HVCN1: variants seen among roughly 807,000 people sequenced by gnomAD.
HVCN1 encodes voltage-gated hydrogen channel 1.
Under a neutral mutation model 29.2 loss-of-function variants are expected in HVCN1, and 14 were observed. The ratio of observed to expected loss-of-function variants is 0.48; its 90% CI spans 0.32 to 0.75. The LOEUF is 0.75. Ranked by LOEUF, HVCN1 falls within the 30% of genes least tolerant of loss-of-function variation. HVCN1 has a pLI of 0.04. For synonymous variants in HVCN1, 131 were observed against 133.2 expected, an observed-to-expected ratio of 0.98 and a Z score of 0.11; for missense variants, 263 against 341.8, an observed-to-expected ratio of 0.77 and a Z score of 1.82.
chr12:110,702,376 C>T (rs2069572496), exon 2 of HVCN1: 1 of 152,132 alleles, frequency 6.6e-6, no homozygotes, highest in Admixed American at 6.6e-5. Context: ...TGCAAATAAG[C>T]ATTTCAGATG....
chr12:110,686,411 G>A (rs890331136), intron 2 of HVCN1, among the ~76,000 whole-genome samples: 6 of 152,100 alleles, frequency 3.9e-5, no homozygotes, highest in African/African-American at 7.2e-5. Flanking sequence ...AGACTTTCTC[G>A]CTGGTTGACT....
At chr12:110,672,405 G>T (rs1206429219) in intron 3 of HVCN1, among the ~76,000 whole-genome samples, 1 of 152,158 alleles carries the variant, frequency 6.6e-6, no homozygotes, top group African/African-American at 2.4e-5. Flanking sequence ...CTGTTGCCCA[G>T]GACACCATGG....
chr12:110,665,483 G>A (rs1471548781), intron 3 of HVCN1, among the ~76,000 whole-genome samples: 1 of 151,276 alleles, frequency 6.6e-6, no homozygotes, highest in Non-Finnish European at 1.5e-5. Flanking sequence ...TCGAACCTGG[G>A]AAGCAGAGGT....
rs186695691 is a variant in HVCN1 at position 110,651,301 on chromosome 12, C to T, written c.559G>A (p.Val187Ile). ...VVVVSFILDIVLLFQEHQFEA... is the reference protein window; with the variant it reads ...VVVVSFILDIILLFQEHQFEA... ...AACTGGTGCTCCTGGAACAGGAGGA[C>T]AATGTCGAGGATGAATGAGACCACC... Residue 187 changes from valine (V) to isoleucine (I), a missense_variant, in exon 6 of 8, where the codon GTC becomes ATC. Transcript: ENST00000242607. The T allele has an allele frequency of 3.1e-6, 5 of 1,614,086 alleles. No individual in the cohort carries two copies. In the East Asian group the frequency reaches 1.1e-4, roughly 36 times the overall value.
intron 5 of HVCN1, among the ~76,000 whole-genome samples, chr12:110,653,290 T>C (rs558367211): frequency 1.3e-5 from 2 of 151,854 alleles, no homozygotes; most frequent in Non-Finnish European, 2.9e-5. Context: ...GGAAACCCTG[T>C]CTCTACAAAA....
At chr12:110,652,252 G>T (rs2067838082) in intron 5 of HVCN1, among the ~76,000 whole-genome samples, 1 of 152,168 alleles carries the variant, frequency 6.6e-6, no homozygotes, top group South Asian at 2.1e-4. Context: ...AAAAAGTTAG[G>T]CATGGTGGTG....
upstream of HVCN1, chr12:110,689,401 G>C (rs997997524): frequency 6.6e-6 from 1 of 151,980 alleles, no homozygotes; most frequent in Admixed American, 6.5e-5. This position sits in a 1 kb window ranked among gnomAD's most constrained non-coding sequence, Gnocchi z 5.7. Flanking sequence ...GGAGCGAATC[G>C]CGGATCACAA....
intron 2 of HVCN1, among the ~76,000 whole-genome samples, chr12:110,686,171 T>G (rs2069175035): frequency 6.6e-6 from 1 of 151,838 alleles, no homozygotes; most frequent in African/African-American, 2.4e-5. Context: ...GCTAAAATTT[T>G]TTTTTGTATT....
In HVCN1 at chr12:110,672,222, G is replaced by T. The variant is rs117988169; in HGVS notation, c.22-10774C>A. ...ACTCCTGGGCTCAAGCAATCCTCCC[G>T]CCTCAGCCTCCCAAGTAGCTAGGAC... is the stretch of plus-strand genomic sequence containing the variant. On this transcript the variant is annotated intron_variant, in intron 3 of 7. Coordinates refer to ENST00000242607, the MANE Select transcript of HVCN1 (RefSeq NM_032369.4). Among the ~76,000 whole-genome samples, 252 of 152,216 alleles carry T rather than the reference G, an allele frequency of 1.7e-3. 9 individuals are homozygous for T. The East Asian group carries it at 0.047, about 28-fold the overall frequency.
intron 7 of HVCN1, among the ~76,000 whole-genome samples, chr12:110,649,929 T>TC (rs2067717998): frequency 6.6e-6 from 1 of 151,972 alleles, no homozygotes; most frequent in African/African-American, 2.4e-5. Context: ...CACCACAACC[T>TC]CCACCTCCCG....
chr12:110,653,123 T>A (rs2067870128), intron 5 of HVCN1, among the ~76,000 whole-genome samples: 2 of 152,122 alleles, frequency 1.3e-5, no homozygotes, highest in African/African-American at 4.8e-5. Flanking sequence ...AGAGTCATTG[T>A]CATGAAGGAA....
At chr12:110,704,489 A>G (rs2136519220) in intron 1 of HVCN1, among the ~76,000 whole-genome samples, 1 of 151,878 alleles carries the variant, frequency 6.6e-6, no homozygotes, top group South Asian at 2.1e-4. Context: ...GTCTCTACCA[A>G]TAATTAAAAA....
intron 2 of HVCN1, among the ~76,000 whole-genome samples, chr12:110,686,003 T>A (rs1477201487): frequency 6.6e-6 from 1 of 151,104 alleles, no homozygotes; most frequent in East Asian, 1.9e-4. Flanking sequence ...CTTCTATAAT[T>A]TTTTTTTTCC....
At chr12:110,666,365 G>A (rs1003047445) in intron 3 of HVCN1, among the ~76,000 whole-genome samples, 23 of 152,172 alleles carry the variant, frequency 1.5e-4, no homozygotes, top group Non-Finnish European at 2.8e-4. Context: ...GGAGGTTGCA[G>A]TGAGCCGAGA....
rs751172130 is a variant in HVCN1 at position 110,661,182 on chromosome 12, G to A, written c.288C>T (p.Phe96=). 1 of 1,609,378 alleles carries A rather than the reference G, an allele frequency of 6.2e-7. No homozygotes were observed. Among genetic ancestry groups the A allele is most frequent in the Admixed American group, 1.7e-5 (1 of 59,856 alleles). Reference sequence around the variant, plus strand: ...CACCTACCTGAAACCTGTGGGAGCTGAACAGTTTCCTCAACATGCCCCTGA... The same window carrying A: ...CACCTACCTGAAACCTGTGGGAGCTAAACAGTTTCCTCAACATGCCCCTGA... ...LDFRGMLRKL[F]SSHRFQVIII... Residue 96 remains phenylalanine, a synonymous_variant, in exon 4 of 8, where the codon TTC becomes TTT. Coordinates refer to ENST00000242607, the MANE Select transcript of HVCN1 (RefSeq NM_032369.4). The surrounding 1 kb of genome is among the most constrained non-coding windows in gnomAD (Gnocchi z 6.2).
Position 110,694,837 on chromosome 12 carries a change from C to T in HVCN1, c.-103-6129G>A, listed in dbSNP as rs937544933. Among the ~76,000 whole-genome samples the T allele has an allele frequency of 3.9e-5, 6 of 152,222 alleles. No individual in the cohort carries two copies. The highest frequency in any genetic ancestry group is 5.9e-5 in the Non-Finnish European group (4 of 68,052). On this transcript the variant is annotated intron_variant, in intron 2 of 4. Coordinates refer to the HVCN1 transcript ENST00000546713. The surrounding 1 kb of genome is among the most constrained non-coding windows in gnomAD (Gnocchi z 4.6). ...ACCTCCAACTCTCTTCTCTGGCACT[C>T]GGCTCAGCCTTCTGCCTCACAGTTC...
intron 5 of HVCN1, among the ~76,000 whole-genome samples, chr12:110,653,714 C>T (rs1235757720): frequency 6.6e-6 from 1 of 151,924 alleles, no homozygotes; most frequent in Non-Finnish European, 1.5e-5. Flanking sequence ...TGGTGGCGGG[C>T]ACCTGTAATC....
In HVCN1 at chr12:110,695,273, C is replaced by T. The variant is rs564580249; in HGVS notation, c.-103-6565G>A. 3.4e-5 allele frequency among the ~76,000 whole-genome samples: 5 copies of T among 145,148 alleles called. No homozygotes were observed. The South Asian group carries it at 6.5e-4, about 19-fold the overall frequency. On this transcript the variant is annotated intron_variant, in intron 2 of 4. Coordinates refer to the HVCN1 transcript ENST00000546713. The stretch of plus-strand genomic sequence containing the variant: ...ACATATATGTATATACACACACACA[C>T]ATATATATACACACACACACACTTA...
intron 5 of HVCN1, among the ~76,000 whole-genome samples, chr12:110,654,111 T>G (rs540188905): frequency 6.6e-6 from 1 of 152,028 alleles, no homozygotes; most frequent in Non-Finnish European, 1.5e-5. Context: ...ACAATAAGTA[T>G]GGCAGGTATG....
Sources: gnomAD v4.1 joint callset for allele counts (sites outside exome capture counted in the v4.1 genomes callset) on GRCh38, gnomAD v4.1.1 for gene constraint, Gnocchi (gnomAD v3.1) non-coding constraint, MANE v1.5 for transcripts, NCBI Gene and HGNC (gene_info 2026-07-23, HGNC 2026-07-21) for gene names.